Variants in USP16 observed in about 807,000 individuals in gnomAD.
The protein encoded by USP16 is ubiquitin carboxyl-terminal hydrolase 16.
In USP16, 77 loss-of-function variants were observed where a neutral mutation model predicts 95.9. That is an observed-to-expected ratio of 0.80 (90% confidence interval 0.67 to 0.97). The LOEUF is 0.97. USP16 is among the 50% of genes least tolerant of loss of function. The pLI is 0.00. For missense variants in USP16, 943 were observed against 959.9 expected, an observed-to-expected ratio of 0.98 and a Z score of 0.23; for synonymous variants, 303 against 318.2, an observed-to-expected ratio of 0.95 and a Z score of 0.51.
At chr21:29,038,280 A>G in intron 6 of USP16, 55 bp from the exon 7 acceptor site, 7 of 1,194,064 alleles carry the variant, frequency 5.9e-6, no homozygotes, top group Non-Finnish European at 8.6e-6. Flanking sequence ...AAGAAGTGTC[A>G]GAGTTGATTT....
chr21:29,049,716 T>C (rs1345599198), intron 15 of USP16, among the ~76,000 whole-genome samples: 2 of 152,186 alleles, frequency 1.3e-5, no homozygotes, highest in Admixed American at 1.3e-4. Context: ...GCTACCACCA[T>C]GTCCAGCTAA....
At chr21:29,030,183 A>G (rs1341540138) in intron 2 of USP16, among the ~76,000 whole-genome samples, 1 of 152,010 alleles carries the variant, frequency 6.6e-6, no homozygotes, top group Admixed American at 6.6e-5. Flanking sequence ...GACTTGGTCA[A>G]TTTTGGGCTC....
At chr21:29,042,832 C>T (rs978058180) in intron 12 of USP16, 2 of 223,432 alleles carry the variant, frequency 9.0e-6, no homozygotes, top group African/African-American at 4.6e-5. Flanking sequence ...TAAGACTAAT[C>T]ACGAATCCCT....
intron 16 of USP16, chr21:29,052,105 G>A (rs1208785361): frequency 6.6e-6 from 1 of 152,078 alleles, no homozygotes; most frequent in Non-Finnish European, 1.5e-5. Context: ...TGTGTATGTG[G>A]GAATCAGACC....
chr21:29,036,396 A>G (rs1458236032), intron 5 of USP16, 22 bp downstream of exon 5: 8 of 1,603,536 alleles, frequency 5.0e-6, no homozygotes, highest in Admixed American at 3.3e-5. Flanking sequence ...TGTTTCTTTA[A>G]TATACACCAA....
intron 6 of USP16, among the ~76,000 whole-genome samples, chr21:29,037,932 G>A (rs1185607230): frequency 6.6e-6 from 1 of 152,196 alleles, no homozygotes; most frequent in Non-Finnish European, 1.5e-5. Context: ...AAGAGAGTTT[G>A]GTGAGCACTC....
chr21:29,047,602 G>C (rs143208735), intron 14 of USP16, among the ~76,000 whole-genome samples: 1 of 152,216 alleles, frequency 6.6e-6, no homozygotes, highest in Non-Finnish European at 1.5e-5. Flanking sequence ...CTGACACATA[G>C]TGGCTATTTT....
chr21:29,051,806 G>C (rs951029885), intron 16 of USP16, among the ~76,000 whole-genome samples: 2 of 151,856 alleles, frequency 1.3e-5, no homozygotes, highest in Non-Finnish European at 2.9e-5. Flanking sequence ...CTCCTGCCTA[G>C]GTGACAGAGC....
chr21:29,043,220 T>C (rs932038152), intron 12 of USP16: 6 of 346,508 alleles, frequency 1.7e-5, no homozygotes, highest in Admixed American at 1.5e-4. Context: ...GCTGTTTTGT[T>C]GGTTTGCTTG....
chr21:29,048,469 G>A (rs1378022716), intron 14 of USP16, among the ~76,000 whole-genome samples: 2 of 152,236 alleles, frequency 1.3e-5, no homozygotes, highest in Middle Eastern at 3.4e-3. Context: ...CCAAAATATT[G>A]TGTCTCTCCA....
chr21:29,054,322 T>A lies in USP16; in HGVS notation c.*135T>A. ...CCAGAAGAAATCATGTTTATTTAAA[T>A]ATTGAAGGGAAAAATACCTAAAAAT... On this transcript the variant is annotated 3_prime_UTR_variant, in exon 18 of 18. Transcript: ENST00000399976. 2 of 1,146,256 alleles carry A rather than the reference T, an allele frequency of 1.7e-6. No homozygotes were observed. Among genetic ancestry groups the A allele is most frequent in the Non-Finnish European group, 2.4e-6 (2 of 832,608 alleles). 71.0% of individuals were successfully genotyped at this position (1,146,256 alleles called of 1,614,324 possible). A position where few individuals can be genotyped will look rare whatever the true frequency, so the allele number is the denominator to read the frequency against.
At chr21:29,045,321 CT>C (rs1278782318) in intron 13 of USP16, among the ~76,000 whole-genome samples, 1 of 152,114 alleles carries the variant, frequency 6.6e-6, no homozygotes, top group Non-Finnish European at 1.5e-5. Flanking sequence ...CCAGAAATGC[CT>C]TTGGGTTTTT....
Position 29,050,106 on chromosome 21 carries a change from A to C in USP16, c.2121A>C (p.Leu707=). 3 of 1,613,324 alleles carry C rather than the reference A, an allele frequency of 1.9e-6. No individual in the cohort carries two copies. In the Admixed American group the frequency reaches 5.0e-5, roughly 27 times the overall value. The change falls in exon 16 of 18, where the codon CTA becomes CTC. Residue 707 remains leucine (L), a synonymous_variant. Coordinates refer to ENST00000399976, the MANE Select transcript of USP16 (RefSeq NM_006447.3). ...LKRFQQAGFN[L]RKVNKHIKFP... ...TTCTCTTTTAGGCTGGTTTTAACCT[A>C]CGCAAAGTTAACAAACACATAAAGT...
intron 16 of USP16, among the ~76,000 whole-genome samples, chr21:29,050,972 A>G (rs2085404838): frequency 1.3e-5 from 2 of 152,156 alleles, no homozygotes; most frequent in Admixed American, 1.3e-4. Flanking sequence ...TAATTCAGCC[A>G]GTAGTTGATG....
In USP16 at chr21:29,054,311, GTTTA is replaced by G. The variant is rs2085462771; in HGVS notation, c.*129_*132del. On this transcript the variant is annotated 3_prime_UTR_variant, in exon 18 of 18. Transcript: ENST00000399976. Reference sequence around the variant, plus strand: ...TTAAATACATGCCAGAAGAAATCATGTTTATTTAAATATTGAAGGGAAAAATACC... The same window carrying G: ...TTAAATACATGCCAGAAGAAATCATGTTTAAATATTGAAGGGAAAAATACC... The G allele has an allele frequency of 2.5e-6, 3 of 1,216,066 alleles. No homozygotes were observed. 75.3% of individuals were successfully genotyped at this position (1,216,066 alleles called of 1,614,324 possible). A position where few individuals can be genotyped will look rare whatever the true frequency, so the allele number is the denominator to read the frequency against.
intron 1 of USP16, among the ~76,000 whole-genome samples, chr21:29,026,854 T>C (rs910219423): frequency 4.0e-5 from 6 of 151,624 alleles, no homozygotes; most frequent in African/African-American, 1.5e-4. Context: ...ACTTTAGTGG[T>C]TTTTTTTGTT....
intron 13 of USP16, among the ~76,000 whole-genome samples, chr21:29,044,977 A>G (rs2085301819): frequency 6.6e-6 from 1 of 152,178 alleles, no homozygotes; most frequent in Admixed American, 6.5e-5. Flanking sequence ...TCCTTCACAA[A>G]GGTTGCTCCT....
intron 6 of USP16, 36 bp from the exon 7 acceptor site, chr21:29,038,299 A>G (rs1218132016): frequency 1.9e-5 from 28 of 1,466,636 alleles, no homozygotes; most frequent in Non-Finnish European, 2.5e-5. Context: ...TTGCCTTTAA[A>G]TAATTTTTCT....
chr21:29,029,214 C>T (rs1391105073), intron 2 of USP16, among the ~76,000 whole-genome samples: 1 of 152,246 alleles, frequency 6.6e-6, no homozygotes, highest in East Asian at 1.9e-4. Flanking sequence ...GAGATCGAGA[C>T]CATCCTGGCT....
Sources: gnomAD v4.1 joint callset for allele counts (sites outside exome capture counted in the v4.1 genomes callset) on GRCh38, gnomAD v4.1.1 for gene constraint, MANE v1.5 for transcripts, NCBI Gene and HGNC (gene_info 2026-07-23, HGNC 2026-07-21) for gene names.